Variants in NDUFC2 observed in about 807,000 individuals in gnomAD.
NDUFC2 encodes the protein NADH dehydrogenase [ubiquinone] 1 subunit C2.
Under a neutral mutation model 10.1 loss-of-function variants are expected in NDUFC2, and 2 were observed. The ratio of observed to expected loss-of-function variants is 0.20; its 90% CI spans 0.08 to 0.62. NDUFC2 has a LOEUF of 0.62. NDUFC2 is among the 20% of genes least tolerant of loss of function. NDUFC2 has a pLI of 0.87. For synonymous variants in NDUFC2, 61 were observed against 63.6 expected (o/e 0.96, Z 0.20); for missense variants, 156 against 159.6 (o/e 0.98, Z 0.12).
chr11:78,079,125 A>AAAAAC (rs1859393573), intron 1 of NDUFC2, among the ~76,000 whole-genome samples: 1 of 151,590 alleles, frequency 6.6e-6, no homozygotes, highest in South Asian at 2.1e-4. Flanking sequence ...AAAAAAAAAA[A>AAAAAC]AACCAAGCTC....
In NDUFC2 at chr11:78,069,497, C is replaced by T. The variant is rs989965459; in HGVS notation, c.*490G>A. On this transcript the variant is annotated 3_prime_UTR_variant, in exon 3 of 3. Transcript: ENST00000281031. Reference sequence around the variant, plus strand: ...ACAGGATGAAGTCAAAATTATTTGGCAAGAGTCACAGAATCCTCCATAATC... The same window carrying T: ...ACAGGATGAAGTCAAAATTATTTGGTAAGAGTCACAGAATCCTCCATAATC... The T allele has an allele frequency of 3.7e-5, 8 of 215,066 alleles. No homozygotes were observed. The highest frequency in any genetic ancestry group is 5.9e-5 in the Admixed American group (1 of 17,010). 13.3% of individuals were successfully genotyped at this position (215,066 alleles called of 1,614,324 possible).
intron 1 of NDUFC2, among the ~76,000 whole-genome samples, chr11:78,076,072 G>T (rs1433396823): frequency 6.6e-6 from 1 of 151,882 alleles, no homozygotes; most frequent in Non-Finnish European, 1.5e-5. Context: ...CATCTGGTCT[G>T]TAAACCTTTG....
At chr11:78,075,221 C>A (rs949850674) in intron 1 of NDUFC2, among the ~76,000 whole-genome samples, 1 of 152,088 alleles carries the variant, frequency 6.6e-6, no homozygotes. Context: ...TGGTAACCAG[C>A]AAGAAGGTTA....
Position 78,069,836 on chromosome 11 carries a change from C to G in NDUFC2, c.*151G>C. 1 of 1,521,596 alleles carries G rather than the reference C, an allele frequency of 6.6e-7. No individual in the cohort carries two copies. The highest frequency in any genetic ancestry group is 1.9e-5 in the Admixed American group (1 of 51,424). The allele number at this position is 1,521,596 out of a possible 1,614,324, so 94.3% of individuals were successfully genotyped here. On this transcript the variant is annotated 3_prime_UTR_variant, in exon 3 of 3. Transcript: ENST00000281031. ...TGATGATGAACTATTTTTCTTACAA[C>G]AATAAAGAGTCAGAGTACTCATGGT...
At chr11:78,072,442 T>C (rs1230775112) in intron 2 of NDUFC2, among the ~76,000 whole-genome samples, 1 of 152,194 alleles carries the variant, frequency 6.6e-6, no homozygotes. Flanking sequence ...CCCCCCAAAG[T>C]GCTGGGATTA....
Position 78,073,009 on chromosome 11 carries a change from A to G in NDUFC2, c.299T>C (p.Phe100Ser). ...TTAACTTGAAATACCTTCTTCAGGA[A>G]AATCCTCTGGATGTAATTTCATATA... ...FGYMKLHPED[F>S]PEEDKKTYGE... Residue 100 changes from phenylalanine (F) to serine (S), a missense_variant, in exon 2 of 3, where the codon TTT becomes TCT. Physicochemically the swap from Phe to Ser is radical, Grantham distance 155. Transcript: ENST00000281031. 6.2e-7 allele frequency: 1 copy of G among 1,611,324 alleles called. No homozygotes were observed.
intron 1 of NDUFC2, among the ~76,000 whole-genome samples, chr11:78,074,050 CTTTCT>C (rs1186146109): frequency 8.6e-6 from 1 of 115,704 alleles, no homozygotes; most frequent in African/African-American, 3.3e-5. Flanking sequence ...TTCTTTCTTT[CTTTCT>C]TTTTTTTTTA....
Position 78,072,861 on chromosome 11 carries a change from G to A in NDUFC2, c.310+137C>T, listed in dbSNP as rs913480272. 86 of 1,233,342 alleles carry A rather than the reference G, an allele frequency of 7.0e-5. 1 individual carries two copies. Among genetic ancestry groups the A allele is most frequent in the Non-Finnish European group, 9.1e-5 (82 of 901,542 alleles). The allele number at this position is 1,233,342 out of a possible 1,614,324, so 76.4% of individuals were successfully genotyped here. A position where few individuals can be genotyped will look rare whatever the true frequency, so the allele number is the denominator to read the frequency against. The stretch of plus-strand genomic sequence containing the variant: ...TCAGAAACTGGATATATTAATTCAA[G>A]AGAATTTTGGTCTATAGACTAAGAT... On this transcript the variant is annotated intron_variant, in intron 2 of 2. Transcript: ENST00000281031.
chr11:78,069,770 T>G lies in NDUFC2; in HGVS notation c.*217A>C. The G allele has an allele frequency of 8.8e-7, 1 of 1,141,176 alleles. No individual in the cohort carries two copies. Among genetic ancestry groups the G allele is most frequent in the Non-Finnish European group, 1.3e-6 (1 of 799,808 alleles). 70.7% of individuals were successfully genotyped at this position (1,141,176 alleles called of 1,614,324 possible). On this transcript the variant is annotated 3_prime_UTR_variant, in exon 3 of 3. Coordinates refer to ENST00000281031, the MANE Select transcript of NDUFC2 (RefSeq NM_004549.6). Reference sequence around the variant, plus strand: ...CTCTAAACTAGAATTCAACCTCATCTTAAAATCTTTCAGATGGGTGAATGG... The same window carrying G: ...CTCTAAACTAGAATTCAACCTCATCGTAAAATCTTTCAGATGGGTGAATGG...
intron 2 of NDUFC2, among the ~76,000 whole-genome samples, chr11:78,072,516 C>T (rs1859054991): frequency 6.6e-6 from 1 of 152,162 alleles, no homozygotes; most frequent in African/African-American, 2.4e-5. Flanking sequence ...GATTTGCTGT[C>T]ATTGGAAATA....
chr11:78,073,801 CAAAAAA>C (rs11290651), intron 1 of NDUFC2, among the ~76,000 whole-genome samples: 1 of 62,084 alleles, frequency 1.6e-5, no homozygotes, highest in African/African-American at 6.2e-5. Context: ...GGCTCTGTCT[CAAAAAA>C]AAAAAAAAAA....
chr11:78,073,842 G>T (rs1161477954), intron 1 of NDUFC2, among the ~76,000 whole-genome samples: 1 of 130,240 alleles, frequency 7.7e-6, no homozygotes, highest in Non-Finnish European at 1.6e-5. Context: ...TGAACAAACC[G>T]CCTTGATCCC....
At chr11:78,073,801 CAAAAAAAA>C (rs11290651) in intron 1 of NDUFC2, among the ~76,000 whole-genome samples, 2 of 62,086 alleles carry the variant, frequency 3.2e-5, no homozygotes, top group East Asian at 1.1e-3. Flanking sequence ...GGCTCTGTCT[CAAAAAAAA>C]AAAAAAAAAA....
rs917940053 is a variant in NDUFC2 at position 78,069,230 on chromosome 11, C to CAGTT, written c.*753_*756dup. The CAGTT allele has an allele frequency of 3.3e-5, 5 of 152,238 alleles. No homozygotes were observed. The highest frequency in any genetic ancestry group is 1.2e-4 in the African/African-American group (5 of 41,430). 9.4% of individuals were successfully genotyped at this position (152,238 alleles called of 1,614,324 possible). Reference sequence around the variant, plus strand: ...TAAGCCATAAAAAGTAACCTCATTCCAGTTAGGTACAGTCTTTTGCTTCTA... The same window carrying CAGTT: ...TAAGCCATAAAAAGTAACCTCATTCCAGTTAGTTAGGTACAGTCTTTTGCTTCTA... On this transcript the variant is annotated 3_prime_UTR_variant, in exon 3 of 3. Transcript: ENST00000281031.
chr11:78,079,828 G>A lies in NDUFC2; in HGVS notation c.-84C>T, dbSNP rs1370417459. The stretch of plus-strand genomic sequence containing the variant: ...GACGACCACTACCCCGGCCTAAGCG[G>A]TCAGCTTTCTCCTCCTCCTCTGCGC... On this transcript the variant is annotated 5_prime_UTR_variant, in exon 1 of 3. Transcript: ENST00000281031. The A allele has an allele frequency of 1.4e-5, 21 of 1,485,742 alleles. No individual in the cohort carries two copies. The highest frequency in any genetic ancestry group is 1.8e-5 in the Non-Finnish European group (20 of 1,117,042). The allele number at this position is 1,485,742 out of a possible 1,614,324, so 92.0% of individuals were successfully genotyped here.
At chr11:78,070,383 T>C (rs667914) in intron 2 of NDUFC2, among the ~76,000 whole-genome samples, 28,488 of 152,138 alleles carry the variant, frequency 0.19, 3,018 homozygotes, top group Middle Eastern at 0.3. Flanking sequence ...TACCCTGATC[T>C]TGGACTTCCC....
At chr11:78,074,023 C>T (rs188240781) in intron 1 of NDUFC2, among the ~76,000 whole-genome samples, 3 of 149,970 alleles carry the variant, frequency 2.0e-5, no homozygotes, top group Admixed American at 2.0e-4. Context: ...AAGCGTGCAC[C>T]ACCATGCCTT....
intron 1 of NDUFC2, among the ~76,000 whole-genome samples, chr11:78,078,433 GCTGT>G (rs1284089990): frequency 6.6e-6 from 1 of 152,180 alleles, no homozygotes; most frequent in Non-Finnish European, 1.5e-5. Context: ...GGCCTAGAAA[GCTGT>G]CTGTCTCTCA....
In NDUFC2 at chr11:78,073,093, T is replaced by C. The variant is rs1000683206; in HGVS notation, c.215A>G (p.Tyr72Cys). Residue 72 changes from tyrosine to cysteine, a missense_variant, in exon 2 of 3, where the codon TAT (tyrosine) becomes TGT (cysteine). Transcript: ENST00000281031. The part of the protein sequence containing the change: ...LYITAFFFAG[Y>C]YLVKREDYLY... ...GTAGTCTTCACGTTTTACAAGATAATATCCAGCAAAAAAAAAGGCCGTAAT... is the reference window on the plus strand; with the variant it reads ...GTAGTCTTCACGTTTTACAAGATAACATCCAGCAAAAAAAAAGGCCGTAAT... 24 of 1,613,450 alleles carry C rather than the reference T, an allele frequency of 1.5e-5. No individual in the cohort carries two copies. Among genetic ancestry groups the C allele is most frequent in the South Asian group, 2.2e-5 (2 of 91,032 alleles).
Sources: gnomAD v4.1 joint callset for allele counts (sites outside exome capture counted in the v4.1 genomes callset) on GRCh38, gnomAD v4.1.1 for gene constraint, MANE v1.5 for transcripts, NCBI Gene and HGNC (gene_info 2026-07-23, HGNC 2026-07-21) for gene names.